EFCAB11: variants seen among roughly 807,000 people sequenced by gnomAD.
The protein encoded by EFCAB11 is EF-hand calcium binding domain 11, also known as EF-hand calcium-binding domain-containing protein 11.
A neutral mutation model predicts 23.0 loss-of-function variants in EFCAB11; 14 were observed. The observed-to-expected ratio is 0.61, with a 90% confidence interval of 0.40 to 0.95. EFCAB11 has a LOEUF of 0.95. Ranked by LOEUF, EFCAB11 falls within the 40% of genes least tolerant of loss-of-function variation. The pLI is 0.00. For missense variants in EFCAB11, 198 were observed against 195.8 expected (o/e 1.01, Z -0.07); for synonymous variants, 65 against 66.6 (o/e 0.98, Z 0.11).
intron 5 of EFCAB11, among the ~76,000 whole-genome samples, chr14:89,885,749 G>GAGAGAGAGAGA (rs1566796863): frequency 1.8e-3 from 119 of 66,822 alleles, no homozygotes; most frequent in African/African-American, 6.3e-3. Context: ...GAGAAAGAAA[G>GAGAGAGAGAGA]GAAAGAAAGG....
intron 5 of EFCAB11, among the ~76,000 whole-genome samples, chr14:89,862,154 A>G (rs1887944567): frequency 6.6e-6 from 1 of 152,188 alleles, no homozygotes; most frequent in Non-Finnish European, 1.5e-5. Flanking sequence ...GTCTCCACAA[A>G]TGTTTGCTAA....
intron 5 of EFCAB11, among the ~76,000 whole-genome samples, chr14:89,817,750 T>C (rs1886379748): frequency 6.6e-6 from 1 of 152,054 alleles, no homozygotes; most frequent in Non-Finnish European, 1.5e-5. Context: ...TCCCAGCACT[T>C]TGGGAGGCTG....
In EFCAB11 at chr14:89,892,089, A is replaced by C. The variant is rs1888989374; in HGVS notation, c.410+39452T>G. ...CTGGTCTTTGATGTGACAAACAGGAAGTCCTTTGAACACATCCAAGACTGG... is the reference window on the plus strand; with the variant it reads ...CTGGTCTTTGATGTGACAAACAGGACGTCCTTTGAACACATCCAAGACTGG... On this transcript the variant is annotated intron_variant, in intron 5 of 5. Coordinates refer to ENST00000316738, the MANE Select transcript of EFCAB11 (RefSeq NM_145231.4). 4 of 1,545,440 alleles carry C rather than the reference A, an allele frequency of 2.6e-6. No individual in the cohort carries two copies. The East Asian group carries it at 7.3e-5, about 28-fold the overall frequency.
chr14:89,896,630 T>C (rs549660499), intron 5 of EFCAB11, among the ~76,000 whole-genome samples: 3 of 152,210 alleles, frequency 2.0e-5, no homozygotes, highest in Non-Finnish European at 4.4e-5. Context: ...CATACAGTAT[T>C]AATAAGAAGA....
In EFCAB11 at chr14:89,795,690, TTTATTAAGG is replaced by T. The variant is rs1885555199; in HGVS notation, c.*1544_*1552del. The stretch of plus-strand genomic sequence containing the variant: ...CAAAAAAAACCCGCAAACGTTTATT[TTTATTAAGG>T]TTATCTGCTAATAATTTGTATGATA... On this transcript the variant is annotated 3_prime_UTR_variant, in exon 6 of 6. Transcript: ENST00000316738. 6.6e-6 allele frequency: 1 copy of T among 152,166 alleles called. No individual in the cohort carries two copies. Among genetic ancestry groups the T allele is most frequent in the South Asian group, 2.1e-4 (1 of 4,826 alleles). 9.4% of individuals were successfully genotyped at this position (152,166 alleles called of 1,614,324 possible). A position where few individuals can be genotyped will look rare whatever the true frequency, so the allele number is the denominator to read the frequency against.
rs1885855578 is a variant in EFCAB11 at position 89,803,488 on chromosome 14, C to T, written c.411-6164G>A. Among the ~76,000 whole-genome samples, 5 of 152,186 alleles carry T rather than the reference C, an allele frequency of 3.3e-5. No individual in the cohort carries two copies. In the South Asian group the frequency reaches 1.0e-3, roughly 32 times the overall value. ...TCACATGAGATTTTGAAAGTTGATG[C>T]CATATTTGATGCACCTGAAATGTGA... is the stretch of plus-strand genomic sequence containing the variant. On this transcript the variant is annotated intron_variant, in intron 5 of 5. Transcript: ENST00000316738.
At chr14:89,817,165 A>T (rs1393771210) in intron 5 of EFCAB11, among the ~76,000 whole-genome samples, 3 of 152,168 alleles carry the variant, frequency 2.0e-5, no homozygotes. Context: ...CATATCAGAC[A>T]TTAACTGGGA....
chr14:89,926,022 G>T (rs972137982), intron 5 of EFCAB11, among the ~76,000 whole-genome samples: 1 of 152,010 alleles, frequency 6.6e-6, no homozygotes, highest in Non-Finnish European at 1.5e-5. Context: ...TAGAGACGGG[G>T]TTTCACCATG....
rs910339423 is a variant in EFCAB11 at position 89,796,968 on chromosome 14, T to C, written c.*275A>G. 1 of 211,640 alleles carries C rather than the reference T, an allele frequency of 4.7e-6. No homozygotes were observed. The highest frequency in any genetic ancestry group is 2.3e-5 in the African/African-American group (1 of 43,520). The allele number at this position is 211,640 out of a possible 1,614,324, so 13.1% of individuals were successfully genotyped here. A position where few individuals can be genotyped will look rare whatever the true frequency, so the allele number is the denominator to read the frequency against. ...AGAAGGAGACCCCCGGCAGCAACCA[T>C]CTCTAGGATTCTGAGATGCAAGTCT... On this transcript the variant is annotated 3_prime_UTR_variant, in exon 6 of 6. Transcript: ENST00000316738.
intron 2 of EFCAB11, chr14:89,952,278 T>C (rs1159304646): frequency 2.4e-5 from 11 of 459,776 alleles, no homozygotes; most frequent in Non-Finnish European, 2.9e-5. Flanking sequence ...TTAAATTTCA[T>C]GGAGTGTATG....
chr14:89,952,404 C>T, intron 2 of EFCAB11: 1 of 985,328 alleles, frequency 1.0e-6, no homozygotes, highest in Non-Finnish European at 1.2e-6. Flanking sequence ...CAGGTGAATC[C>T]AAGTTAAATA....
chr14:89,887,388 T>G (rs1019104905), intron 5 of EFCAB11, among the ~76,000 whole-genome samples: 1 of 152,156 alleles, frequency 6.6e-6, no homozygotes, highest in Non-Finnish European at 1.5e-5. Context: ...GAGTAATAAA[T>G]TAGACATAAG....
intron 5 of EFCAB11, among the ~76,000 whole-genome samples, chr14:89,887,197 T>G (rs1339096893): frequency 2.0e-5 from 3 of 152,198 alleles, no homozygotes; most frequent in Admixed American, 2.0e-4. Context: ...TCCCTGAGAT[T>G]TGCTAACTGC....
intron 5 of EFCAB11, among the ~76,000 whole-genome samples, chr14:89,901,184 T>TAA (rs1443499692): frequency 6.6e-6 from 1 of 152,238 alleles, no homozygotes; most frequent in Non-Finnish European, 1.5e-5. Flanking sequence ...ATTCAAATGA[T>TAA]AAACACTTCT....
chr14:89,933,932 G>A (rs1414325663), intron 3 of EFCAB11, among the ~76,000 whole-genome samples: 1 of 152,194 alleles, frequency 6.6e-6, no homozygotes, highest in Non-Finnish European at 1.5e-5. Flanking sequence ...ACTGCCTAAT[G>A]TTGGGAAGAA....
At chr14:89,852,713 C>T (rs1887634859) in intron 5 of EFCAB11, among the ~76,000 whole-genome samples, 3 of 152,310 alleles carry the variant, frequency 2.0e-5, no homozygotes, top group South Asian at 4.1e-4. Flanking sequence ...TCTTTAACAG[C>T]TATTTTATCC....
chr14:89,858,181 G>A (rs1204062289), intron 5 of EFCAB11, among the ~76,000 whole-genome samples: 7 of 152,202 alleles, frequency 4.6e-5, no homozygotes, highest in Non-Finnish European at 1.0e-4. Context: ...ATGTGGTGAA[G>A]ACACTCAAGC....
chr14:89,814,942 T>G (rs1886281904), intron 5 of EFCAB11, among the ~76,000 whole-genome samples: 1 of 152,150 alleles, frequency 6.6e-6, no homozygotes, highest in Non-Finnish European at 1.5e-5. Flanking sequence ...CACTGCCAAC[T>G]CAAAGCTGTG....
intron 5 of EFCAB11, among the ~76,000 whole-genome samples, chr14:89,819,388 A>G (rs1886433922): frequency 6.6e-6 from 1 of 151,982 alleles, no homozygotes; most frequent in African/African-American, 2.4e-5. Context: ...GGAGGGTGGG[A>G]GCAACTGCAA....
Sources: gnomAD v4.1 joint callset for allele counts (sites outside exome capture counted in the v4.1 genomes callset) on GRCh38, gnomAD v4.1.1 for gene constraint, MANE v1.5 for transcripts, NCBI Gene and HGNC (gene_info 2026-07-23, HGNC 2026-07-21) for gene names.